Variants in ARSF observed in about 807,000 individuals in gnomAD.
ARSF encodes the protein arylsulfatase F.
In ARSF, 33 loss-of-function variants were observed where a neutral mutation model predicts 35.4. That is an observed-to-expected ratio of 0.93 (90% CI 0.71 to 1.25). ARSF has a LOEUF of 1.25. Among genes scored for constraint, ARSF ranks in the 50% most tolerant of loss-of-function variants. The probability of loss-of-function intolerance (pLI) is 0.00; values close to 1 mark genes in which losing one functional copy is unlikely to be tolerated. For synonymous variants in ARSF, 222 were observed against 193.1 expected (o/e 1.15, Z -1.24); for missense variants, 501 against 480.2 (o/e 1.04, Z -0.40).
At chrX:3,083,489 T>TC (rs2090218792) in intron 5 of ARSF, among the ~76,000 whole-genome samples, 3 of 43,583 alleles carry the variant, frequency 6.9e-5, no homozygotes. Flanking sequence ...ATCCTATCTA[T>TC]CTATCTATCT....
chrX:3,108,031 A>G (rs1250515524), intron 9 of ARSF, among the ~76,000 whole-genome samples: 2 of 111,888 alleles, frequency 1.8e-5, no homozygotes, highest in Non-Finnish European at 3.8e-5. Context: ...TTTTCCTTGC[A>G]TTTGGATATC....
chrX:3,049,980 C>G (rs1283947615), intron 1 of ARSF, among the ~76,000 whole-genome samples: 1 of 110,872 alleles, frequency 9.0e-6, no homozygotes, highest in East Asian at 2.9e-4. Context: ...CTGCCTCAAC[C>G]TCCTGAGTAG....
intron 8 of ARSF, among the ~76,000 whole-genome samples, chrX:3,102,470 A>G (rs1010504366): frequency 8.9e-6 from 1 of 112,389 alleles, no homozygotes; most frequent in African/African-American, 3.2e-5. Flanking sequence ...ACTTATTTTT[A>G]TGGCTGAGTA....
rs773071996 is a variant in ARSF, at chrX:3,103,747, T to C, written c.1103-15T>C. The C allele has an allele frequency of 1.9e-5, 23 of 1,206,675 alleles. No homozygotes were observed. Among genetic ancestry groups the C allele is most frequent in the Middle Eastern group, 4.6e-4 (2 of 4,345 alleles). ...ACTAGGCACAATAATTGAACTTAATTGCATTGTCTTATAGGTGGAAAAGGC... is the reference window on the plus strand; with the variant it reads ...ACTAGGCACAATAATTGAACTTAATCGCATTGTCTTATAGGTGGAAAAGGC... On this transcript the variant is annotated splice_polypyrimidine_tract_variant and intron_variant, in intron 8 of 10. Transcript: ENST00000381127.
intron 7 of ARSF, among the ~76,000 whole-genome samples, chrX:3,091,578 C>G (rs141198893): frequency 2.7e-5 from 3 of 111,522 alleles, no homozygotes; most frequent in African/African-American, 6.5e-5. Flanking sequence ...GAAAATTAAG[C>G]CTGGAAAAAG....
intron 6 of ARSF, among the ~76,000 whole-genome samples, chrX:3,087,985 A>AT (rs763783533): frequency 7.1e-4 from 80 of 111,909 alleles, no homozygotes; most frequent in African/African-American, 1.3e-3. Flanking sequence ...TTTAAAATTC[A>AT]TTTTTTTTAT....
intron 1 of ARSF, among the ~76,000 whole-genome samples, chrX:3,059,735 G>T (rs989176658): frequency 9.8e-5 from 11 of 112,655 alleles, no homozygotes; most frequent in African/African-American, 3.5e-4. Context: ...GGCTGGGGGG[G>T]TGGGCATCCA....
chrX:3,100,057 A>G (rs1411973676), intron 7 of ARSF, among the ~76,000 whole-genome samples: 2 of 111,684 alleles, frequency 1.8e-5, no homozygotes, highest in South Asian at 3.8e-4. Context: ...AACTCTAGGA[A>G]TTTAGCTATT....
intron 7 of ARSF, among the ~76,000 whole-genome samples, chrX:3,090,142 A>G (rs2090278646): frequency 9.0e-6 from 1 of 111,577 alleles, no homozygotes; most frequent in African/African-American, 3.3e-5. Flanking sequence ...ACTTGATGTT[A>G]TGCTCCCACT....
At chrX:3,089,698 G>C (rs2090275406) in intron 7 of ARSF, 66 bp downstream of exon 7, 4 of 1,139,206 alleles carry the variant, frequency 3.5e-6, no homozygotes, top group African/African-American at 3.6e-5. Context: ...CCTGAAAACT[G>C]CTCTTGGTCA....
At chrX:3,100,581 C>T (rs910417228) in intron 7 of ARSF, among the ~76,000 whole-genome samples, 5 of 102,669 alleles carry the variant, frequency 4.9e-5, no homozygotes, top group Admixed American at 3.1e-4. Context: ...AAATTTTGGA[C>T]TCTCAGTTTT....
intron 4 of ARSF, among the ~76,000 whole-genome samples, chrX:3,080,456 A>G (rs1239958382): frequency 1.1e-5 from 1 of 93,139 alleles, no homozygotes; most frequent in Non-Finnish European, 2.1e-5. Context: ...CCTGGTGACA[A>G]AGCGAGACTT....
At chrX:3,089,355 TG>T in intron 6 of ARSF, 140 bp from the exon 7 acceptor site, 1 of 628,260 alleles carries the variant, frequency 1.6e-6, no homozygotes, top group Non-Finnish European at 2.5e-6. Context: ...CTATGCAGGA[TG>T]GGGCCCTTGG....
intron 1 of ARSF, among the ~76,000 whole-genome samples, chrX:3,043,952 A>AT (rs1476420798): frequency 9.1e-6 from 1 of 110,083 alleles, no homozygotes; most frequent in African/African-American, 3.3e-5. Flanking sequence ...CGCCCAGCTA[A>AT]TTTTTTGTAT....
chrX:3,102,863 G>A (rs775848124), intron 8 of ARSF, among the ~76,000 whole-genome samples: 190 of 108,847 alleles, frequency 1.7e-3, no homozygotes, highest in Middle Eastern at 9.4e-3. Flanking sequence ...AGTGAGCCGC[G>A]ATAGCACCAC....
At chrX:3,108,419 C>T (rs1166086369) in intron 9 of ARSF, among the ~76,000 whole-genome samples, 1 of 111,593 alleles carries the variant, frequency 9.0e-6, no homozygotes, top group Non-Finnish European at 1.9e-5. Flanking sequence ...TTGAATTTTC[C>T]AATCAATAAA....
intron 6 of ARSF, 40 bp downstream of exon 6, chrX:3,084,706 G>A (rs2090234552): frequency 1.8e-6 from 2 of 1,113,448 alleles, no homozygotes; most frequent in Non-Finnish European, 2.4e-6. Context: ...TAATGATAAT[G>A]ATCTCTTTTT....
chrX:3,104,345 TCA>T, intron 9 of ARSF, among the ~76,000 whole-genome samples: 1 of 111,896 alleles, frequency 8.9e-6, no homozygotes, highest in South Asian at 3.8e-4. Context: ...TTGGCTTATT[TCA>T]CTTAACATAA....
intron 1 of ARSF, chrX:3,058,599 T>A (rs763599222): frequency 1.4e-4 from 47 of 325,709 alleles, no homozygotes; most frequent in Non-Finnish European, 2.1e-4. Flanking sequence ...ACACCTATAA[T>A]CACAGTGCTT....
Sources: gnomAD v4.1 joint callset for allele counts (sites outside exome capture counted in the v4.1 genomes callset) on GRCh38, gnomAD v4.1.1 for gene constraint, MANE v1.5 for transcripts, NCBI Gene and HGNC (gene_info 2026-07-23, HGNC 2026-07-21) for gene names.